Variants in RERG observed in about 807,000 individuals in gnomAD.
The protein encoded by RERG is ras-related and estrogen-regulated growth inhibitor.
In RERG, 25 loss-of-function variants were observed where a neutral mutation model predicts 23.2. That is an observed-to-expected ratio of 1.08 (90% CI 0.79 to 1.50). The LOEUF is 1.50. Ranked by LOEUF, RERG falls within the 40% of genes most tolerant of loss-of-function variation. The probability of loss-of-function intolerance (pLI) is 0.00; values close to 1 mark genes in which losing one functional copy is unlikely to be tolerated. For synonymous variants in RERG, 81 were observed against 89.1 expected (o/e 0.91, Z 0.51); for missense variants, 253 against 250.1 (o/e 1.01, Z -0.08).
At chr12:15,142,234 A>G (rs1864250318) in intron 2 of RERG, among the ~76,000 whole-genome samples, 1 of 152,188 alleles carries the variant, frequency 6.6e-6, no homozygotes. Flanking sequence ...ACCTTATTCA[A>G]ATTAGAAGAT....
intron 2 of RERG, among the ~76,000 whole-genome samples, chr12:15,194,138 A>C (rs942877645): frequency 6.6e-6 from 1 of 152,158 alleles, no homozygotes; most frequent in African/African-American, 2.4e-5. Flanking sequence ...GTGCTAAATC[A>C]TATGCTGACA....
At chr12:15,130,539 G>A (rs746527937) in intron 2 of RERG, among the ~76,000 whole-genome samples, 5 of 151,240 alleles carry the variant, frequency 3.3e-5, no homozygotes, top group African/African-American at 4.9e-5. Context: ...TATTCCCTGT[G>A]AAGGTCAAAA....
At chr12:15,161,962 C>T (rs1158186887) in intron 2 of RERG, among the ~76,000 whole-genome samples, 1 of 152,050 alleles carries the variant, frequency 6.6e-6, no homozygotes, top group Non-Finnish European at 1.5e-5. Flanking sequence ...GAGGTGGAGG[C>T]AAAATTTAAA....
intron 2 of RERG, among the ~76,000 whole-genome samples, chr12:15,184,887 A>G (rs572431780): frequency 3.9e-5 from 6 of 152,322 alleles, no homozygotes; most frequent in African/African-American, 1.4e-4. Context: ...GCAGGCATAG[A>G]GAAGGACATT....
chr12:15,133,871 T>G (rs1186043084), intron 2 of RERG, among the ~76,000 whole-genome samples: 7 of 152,192 alleles, frequency 4.6e-5, no homozygotes, highest in African/African-American at 1.7e-4. Flanking sequence ...TGAGAATCTT[T>G]CCATATGTTT....
At chr12:15,125,202 T>G (rs1863916419) in intron 2 of RERG, among the ~76,000 whole-genome samples, 2 of 151,974 alleles carry the variant, frequency 1.3e-5, no homozygotes, top group South Asian at 4.1e-4. Context: ...TTTCAAATAT[T>G]TTGTGAAAAA....
intron 2 of RERG, among the ~76,000 whole-genome samples, chr12:15,123,533 TAATA>T (rs1030801267): frequency 0.015 from 314 of 20,888 alleles, no homozygotes; most frequent in African/African-American, 0.029. Context: ...TAAATTTAAA[TAATA>T]AATATATATT....
chr12:15,178,274 C>T (rs1187703132), intron 2 of RERG, among the ~76,000 whole-genome samples: 1 of 152,122 alleles, frequency 6.6e-6, no homozygotes, highest in Non-Finnish European at 1.5e-5. Flanking sequence ...AAACATGCGA[C>T]CTCTTCACCC....
intron 2 of RERG, among the ~76,000 whole-genome samples, chr12:15,137,448 A>G (rs960606728): frequency 6.6e-6 from 1 of 151,080 alleles, no homozygotes; most frequent in Admixed American, 6.6e-5. Flanking sequence ...CTTTGTTTCT[A>G]TTTTTTGTCT....
At chr12:15,192,393 ACAAT>A (rs1865084190) in intron 2 of RERG, among the ~76,000 whole-genome samples, 1 of 152,178 alleles carries the variant, frequency 6.6e-6, no homozygotes, top group South Asian at 2.1e-4. Flanking sequence ...TTATATCAAT[ACAAT>A]AATAGCCTAA....
chr12:15,174,123 TCA>T (rs1182003782), intron 2 of RERG, among the ~76,000 whole-genome samples: 3 of 152,096 alleles, frequency 2.0e-5, no homozygotes, highest in Non-Finnish European at 4.4e-5. Context: ...ACAAATTCTC[TCA>T]GTTTCTGTTT....
At chr12:15,160,331 G>A (rs1479679769) in intron 2 of RERG, among the ~76,000 whole-genome samples, 1 of 152,158 alleles carries the variant, frequency 6.6e-6, no homozygotes, top group Admixed American at 6.5e-5. Context: ...TTGACAAGCT[G>A]AAATGAGGCA....
At chr12:15,191,135 C>T (rs1246662834) in intron 2 of RERG, among the ~76,000 whole-genome samples, 2 of 152,094 alleles carry the variant, frequency 1.3e-5, no homozygotes, top group African/African-American at 4.8e-5. Context: ...GAGGACAGGA[C>T]TCATTAGGGG....
At position 15,126,151 on chromosome 12, in the gene RERG, ATG is replaced by A. The variant is rs61432311; in HGVS notation, c.62-5034_62-5033del. On this transcript the variant is annotated intron_variant, in intron 2 of 4. Coordinates refer to ENST00000256953, the MANE Select transcript of RERG (RefSeq NM_032918.3). The stretch of plus-strand genomic sequence containing the variant: ...ACCATATATATATATATATATATAT[ATG>A]TATTTACACACATACATTTTTACAT... Among the ~76,000 whole-genome samples, 978 of 139,480 alleles carry A rather than the reference ATG, an allele frequency of 7.0e-3. 72 individuals are homozygous for A. Among genetic ancestry groups the A allele is most frequent in the African/African-American group, 0.023 (885 of 38,670 alleles). 91.5% of individuals were successfully genotyped at this position (139,480 alleles called of 152,430 possible).
chr12:15,163,307 C>T (rs1864640536), intron 2 of RERG, among the ~76,000 whole-genome samples: 1 of 152,150 alleles, frequency 6.6e-6, no homozygotes, highest in Non-Finnish European at 1.5e-5. Flanking sequence ...TTTTGTGACT[C>T]AGAGTCATTT....
At chr12:15,196,743 G>A (rs766191836) in intron 2 of RERG, among the ~76,000 whole-genome samples, 2 of 152,146 alleles carry the variant, frequency 1.3e-5, no homozygotes, top group Non-Finnish European at 2.9e-5. Flanking sequence ...GTAATTCATT[G>A]AGGTAGGTAT....
rs2136119310 is a variant in RERG at position 15,167,567 on chromosome 12, C to A, written c.62-46448G>T. ...AGAAGCAATGTTTGGGAGAAACCAT[C>A]ATATATTCTGGTATCTAAATTGACC... On this transcript the variant is annotated intron_variant, in intron 2 of 4. Transcript: ENST00000256953. 1.3e-5 allele frequency among the ~76,000 whole-genome samples: 2 copies of A among 152,200 alleles called. 1 individual carries two copies. The highest frequency in any genetic ancestry group is 4.1e-4 in the South Asian group (2 of 4,820).
At chr12:15,187,974 T>G (rs1865017466) in intron 2 of RERG, among the ~76,000 whole-genome samples, 1 of 152,118 alleles carries the variant, frequency 6.6e-6, no homozygotes, top group Non-Finnish European at 1.5e-5. Context: ...TAGGAGGACA[T>G]GGAGAATTTT....
chr12:15,127,420 T>C (rs915956337), intron 2 of RERG, among the ~76,000 whole-genome samples: 2 of 152,250 alleles, frequency 1.3e-5, no homozygotes, highest in African/African-American at 4.8e-5. Context: ...AGTGGAACTT[T>C]CATTTCTTGA....
Sources: gnomAD v4.1 joint callset for allele counts (sites outside exome capture counted in the v4.1 genomes callset) on GRCh38, gnomAD v4.1.1 for gene constraint, MANE v1.5 for transcripts, NCBI Gene and HGNC (gene_info 2026-07-23, HGNC 2026-07-21) for gene names.